Variants in MYBPC1 observed in about 807,000 individuals in gnomAD.
MYBPC1 encodes myosin-binding protein C, slow-type.
A neutral mutation model predicts 147.1 loss-of-function variants in MYBPC1; 52 were observed. The ratio of observed to expected loss-of-function variants is 0.35; its 90% CI spans 0.28 to 0.45. The LOEUF (loss-of-function observed/expected upper bound fraction) is 0.45, where lower values mean the gene tolerates loss of function less well. Among genes scored for constraint, MYBPC1 ranks in the 20% least tolerant of loss-of-function variants. The probability of loss-of-function intolerance (pLI) is 1.00; values close to 1 mark genes in which losing one functional copy is unlikely to be tolerated. For missense variants in MYBPC1, 1,228 were observed against 1,440.3 expected (o/e 0.85, Z 2.39); for synonymous variants, 477 against 475.9 (o/e 1.00, Z -0.03).
At chr12:101,619,771 T>C (rs937497401) in intron 3 of MYBPC1, among the ~76,000 whole-genome samples, 2 of 152,196 alleles carry the variant, frequency 1.3e-5, no homozygotes, top group African/African-American at 4.8e-5. Context: ...TCTATTTAAT[T>C]GGTTGACATA....
At chr12:101,670,556 G>A in intron 24 of MYBPC1, 147 bp downstream of exon 24, 1 of 756,440 alleles carries the variant, frequency 1.3e-6, no homozygotes, top group Non-Finnish European at 2.3e-6. Context: ...GAGTATTGGA[G>A]AATGATTAAG....
At chr12:101,636,401 T>A (rs1405881474) in intron 9 of MYBPC1, among the ~76,000 whole-genome samples, 1 of 152,216 alleles carries the variant, frequency 6.6e-6, no homozygotes, top group African/African-American at 2.4e-5. Flanking sequence ...TACCTGGTTT[T>A]AACACAAATC....
Position 101,632,008 on chromosome 12 carries a change from C to T in MYBPC1, c.439-13C>T. ...AAACTGAAATGTGTGTGTCTGGATG[C>T]ATTTCATTGCAGGTGTACACATTTG... On this transcript the variant is annotated splice_polypyrimidine_tract_variant and intron_variant, in intron 7 of 31. Coordinates refer to ENST00000361466, the MANE Select transcript of MYBPC1 (RefSeq NM_002465.4). 6.4e-7 allele frequency: 1 copy of T among 1,567,346 alleles called. No homozygotes were observed. The highest frequency in any genetic ancestry group is 8.8e-7 in the Non-Finnish European group (1 of 1,137,312).
intron 1 of MYBPC1, among the ~76,000 whole-genome samples, chr12:101,596,857 C>T (rs988912899): frequency 6.6e-6 from 1 of 152,132 alleles, no homozygotes; most frequent in Non-Finnish European, 1.5e-5. Flanking sequence ...AAGCATGTTG[C>T]TATTCTGTGT....
At chr12:101,667,192 GA>G (rs1301147565) in intron 22 of MYBPC1, among the ~76,000 whole-genome samples, 1 of 152,160 alleles carries the variant, frequency 6.6e-6, no homozygotes, top group Non-Finnish European at 1.5e-5. Context: ...TTCTCTTTGT[GA>G]AATAAGCTTT....
intron 26 of MYBPC1, 39 bp downstream of exon 26, chr12:101,675,470 G>T: frequency 6.2e-7 from 1 of 1,613,470 alleles, no homozygotes; most frequent in Non-Finnish European, 8.5e-7. Context: ...GTAGCAAAAG[G>T]CACATTTCAT....
downstream of MYBPC1, among the ~76,000 whole-genome samples, chr12:101,687,630 T>C (rs1229577854): frequency 1.3e-5 from 2 of 152,246 alleles, no homozygotes; most frequent in African/African-American, 2.4e-5. Context: ...GAAAACCTTA[T>C]GTCTATGTAC....
chr12:101,688,248 G>A (rs1951378161), downstream of MYBPC1, among the ~76,000 whole-genome samples: 1 of 152,028 alleles, frequency 6.6e-6, no homozygotes, highest in Admixed American at 6.6e-5. Context: ...GTGAAGCCTT[G>A]TCTCTACTAA....
the MYBPC1 span, among the ~76,000 whole-genome samples, chr12:101,693,762 CAAGT>C: frequency 7.3e-6 from 1 of 137,642 alleles, no homozygotes. Context: ...AATAAATAAA[CAAGT>C]AAAAGAAATT....
chr12:101,666,942 C>A, intron 22 of MYBPC1: 1 of 691,842 alleles, frequency 1.4e-6, no homozygotes, highest in South Asian at 1.5e-5. Flanking sequence ...CACACACACA[C>A]ATCCTTAGAG....
intron 3 of MYBPC1, among the ~76,000 whole-genome samples, chr12:101,622,415 G>C (rs1887632042): frequency 6.6e-6 from 1 of 152,122 alleles, no homozygotes; most frequent in Non-Finnish European, 1.5e-5. Flanking sequence ...CTAAAAAAAA[G>C]TGCCAGGACT....
rs148683778 is a variant in MYBPC1, at chr12:101,604,160, T to G, written c.25+9065T>G. Among the ~76,000 whole-genome samples, 493 of 152,254 alleles carry G rather than the reference T, an allele frequency of 3.2e-3. 1 individual carries two copies. Among genetic ancestry groups the G allele is most frequent in the Middle Eastern group, 0.017 (5 of 294 alleles). On this transcript the variant is annotated intron_variant, in intron 1 of 31. Transcript: ENST00000361466. ...GCAAGTCCTCAGATCTTAGCAATTTTCCCCCAGCCCCATGTTAACAATGAG... is the reference window on the plus strand; with the variant it reads ...GCAAGTCCTCAGATCTTAGCAATTTGCCCCCAGCCCCATGTTAACAATGAG...
intron 30 of MYBPC1, among the ~76,000 whole-genome samples, chr12:101,683,894 G>T (rs185278479): frequency 6.6e-6 from 1 of 152,208 alleles, no homozygotes; most frequent in African/African-American, 2.4e-5. Context: ...TATATTCCAT[G>T]CAGAATACAA....
intron 18 of MYBPC1, among the ~76,000 whole-genome samples, chr12:101,654,675 A>AT (rs1895215958): frequency 2.0e-5 from 3 of 152,214 alleles, no homozygotes; most frequent in Non-Finnish European, 4.4e-5. Context: ...TTATGAGGAA[A>AT]CTACCCAAGA....
At chr12:101,666,653 T>C in intron 22 of MYBPC1, 1 of 1,241,620 alleles carries the variant, frequency 8.1e-7, no homozygotes, top group South Asian at 1.2e-5. Context: ...CTTTGCATAC[T>C]TTACTAACAG....
intron 10 of MYBPC1, among the ~76,000 whole-genome samples, chr12:101,642,037 T>G (rs1246298242): frequency 2.0e-5 from 3 of 152,188 alleles, no homozygotes; most frequent in Non-Finnish European, 4.4e-5. Flanking sequence ...AGTCCAATTT[T>G]CAATAATTCA....
chr12:101,694,309 T>G, the MYBPC1 span, among the ~76,000 whole-genome samples: 3 of 152,202 alleles, frequency 2.0e-5, no homozygotes, highest in Non-Finnish European at 4.4e-5. Context: ...AGCTGCAAAG[T>G]GCAGTCACAT....
At chr12:101,610,271 T>G (rs1224810077) in intron 1 of MYBPC1, among the ~76,000 whole-genome samples, 1 of 152,214 alleles carries the variant, frequency 6.6e-6, no homozygotes, top group African/African-American at 2.4e-5. Flanking sequence ...ATTGATTAAT[T>G]GAATCGTTGA....
chr12:101,595,061 T>A lies in MYBPC1; in HGVS notation c.-10T>A. 6.2e-7 allele frequency: 1 copy of A among 1,612,280 alleles called. No individual in the cohort carries two copies. The highest frequency in any genetic ancestry group is 8.5e-7 in the Non-Finnish European group (1 of 1,178,850). On this transcript the variant is annotated 5_prime_UTR_variant, in exon 1 of 32. Transcript: ENST00000361466. ...GGAGACTCTTTAAAGAATAACATCT[T>A]ATTGTGGCCATGCCAGAACCCACTA...
Sources: allele counts gnomAD v4.1 joint callset (sites outside exome capture counted in the v4.1 genomes callset), GRCh38; gene constraint gnomAD v4.1.1; transcripts MANE v1.5; gene names NCBI Gene and HGNC (gene_info 2026-07-23, HGNC 2026-07-21).